Variants in SULF1 observed in about 807,000 individuals in gnomAD.
The protein encoded by SULF1 is extracellular sulfatase Sulf-1.
Under a neutral mutation model 110.5 loss-of-function variants are expected in SULF1, and 46 were observed. The observed-to-expected ratio is 0.42, with a 90% CI of 0.33 to 0.53. SULF1 has a LOEUF of 0.53. SULF1 is among the 20% of genes least tolerant of loss of function. The pLI is 0.12. For missense variants in SULF1, 941 were observed against 1,094.2 expected, an observed-to-expected ratio of 0.86 and a Z score of 1.98; for synonymous variants, 371 against 387.1, an observed-to-expected ratio of 0.96 and a Z score of 0.49.
intron 22 of SULF1, among the ~76,000 whole-genome samples, chr8:69,644,233 T>C (rs1281366518): frequency 1.3e-5 from 2 of 152,146 alleles, no homozygotes; most frequent in Non-Finnish European, 2.9e-5. Context: ...ACTGTGGTCA[T>C]GGGGGTGGAC....
chr8:69,586,557 G>A lies in SULF1; in HGVS notation c.564+49G>A, dbSNP rs558089855. 2.9e-5 allele frequency: 46 copies of A among 1,574,772 alleles called. 1 individual carries two copies. The South Asian group carries it at 4.9e-4, about 17-fold the overall frequency. On this transcript the variant is annotated intron_variant, in intron 7 of 22. Transcript: ENST00000402687. ...TGCATCAATTTACTTTGTGCATAAT[G>A]GGGAAAAGCCATTTTCAGTGAGTTA...
upstream of SULF1, among the ~76,000 whole-genome samples, chr8:69,488,197 A>C (rs1809779683): frequency 6.6e-6 from 1 of 152,176 alleles, no homozygotes. Context: ...GAAATATATT[A>C]ATTTTAGGTT....
At position 69,659,191 on chromosome 8, in the gene SULF1, A is replaced by G. The variant is rs1042988777; in HGVS notation, c.*656A>G. 1.3e-5 allele frequency: 6 copies of G among 456,716 alleles called. No homozygotes were observed. Among genetic ancestry groups the G allele is most frequent in the African/African-American group, 1.2e-4 (6 of 50,082 alleles). The allele number at this position is 456,716 out of a possible 1,614,324, so 28.3% of individuals were successfully genotyped here. On this transcript the variant is annotated 3_prime_UTR_variant, in exon 23 of 23. Coordinates refer to ENST00000402687, the MANE Select transcript of SULF1 (RefSeq NM_001128205.2). ...AATTTCAGTTCATCAGATGTTCACC[A>G]TGGCCACCGCAGAACACCGAAGTAA... is the stretch of plus-strand genomic sequence containing the variant.
intron 22 of SULF1, among the ~76,000 whole-genome samples, chr8:69,653,386 T>C (rs1324387290): frequency 1.3e-5 from 2 of 152,212 alleles, no homozygotes; most frequent in Non-Finnish European, 2.9e-5. Flanking sequence ...TTTTGTGTAT[T>C]TCAACGATTT....
chr8:69,632,705 A>G (rs1369511771), intron 19 of SULF1, among the ~76,000 whole-genome samples: 1 of 152,212 alleles, frequency 6.6e-6, no homozygotes, highest in Non-Finnish European at 1.5e-5. Flanking sequence ...CTAATATACA[A>G]ACATGCCTGT....
chr8:69,533,387 G>T (rs1373640572), intron 3 of SULF1, among the ~76,000 whole-genome samples: 2 of 152,054 alleles, frequency 1.3e-5, no homozygotes, highest in Non-Finnish European at 2.9e-5. Flanking sequence ...TATTTATCCT[G>T]ATGTTCTCCC....
chr8:69,618,069 A>G (rs1269712188), intron 13 of SULF1, among the ~76,000 whole-genome samples: 1 of 152,216 alleles, frequency 6.6e-6, no homozygotes, highest in Non-Finnish European at 1.5e-5. Context: ...CCAACTGCAC[A>G]TTAGAATCAT....
At chr8:69,640,497 T>C (rs918853155) in intron 21 of SULF1, among the ~76,000 whole-genome samples, 2 of 152,244 alleles carry the variant, frequency 1.3e-5, no homozygotes, top group East Asian at 1.9e-4. Context: ...AATTTAACTT[T>C]TCCTGAGAAT....
At chr8:69,613,844 A>T (rs1808861196) in intron 13 of SULF1, among the ~76,000 whole-genome samples, 2 of 152,158 alleles carry the variant, frequency 1.3e-5, no homozygotes, top group Non-Finnish European at 2.9e-5. Context: ...ACACTCAAAC[A>T]ATCTATTCTC....
chr8:69,493,187 T>C (rs748517020), intron 1 of SULF1, 62 bp downstream of exon 1: 1 of 152,666 alleles, frequency 6.6e-6, no homozygotes, highest in Admixed American at 6.5e-5. Flanking sequence ...TTCCTGTCCC[T>C]GTCCTTTTCG....
chr8:69,468,471 A>G (rs955954957), intron 1 of SULF1, among the ~76,000 whole-genome samples: 1 of 152,184 alleles, frequency 6.6e-6, no homozygotes, highest in African/African-American at 2.4e-5. Flanking sequence ...TTTATTCAAA[A>G]TGTTCTCCAG....
At chr8:69,533,239 G>A (rs1197890707) in intron 3 of SULF1, among the ~76,000 whole-genome samples, 2 of 152,274 alleles carry the variant, frequency 1.3e-5, no homozygotes, top group East Asian at 3.9e-4. Context: ...GAAAGAATGT[G>A]AGTTTTTTAT....
intron 7 of SULF1, 120 bp downstream of exon 7, chr8:69,586,628 G>A (rs1806484616): frequency 9.7e-6 from 11 of 1,136,326 alleles, no homozygotes; most frequent in Non-Finnish European, 1.4e-5. Context: ...ATGTTAGCAT[G>A]AGAAATGTTA....
At chr8:69,521,580 A>G (rs896444171) in intron 3 of SULF1, among the ~76,000 whole-genome samples, 2 of 152,164 alleles carry the variant, frequency 1.3e-5, no homozygotes, top group Non-Finnish European at 2.9e-5. Flanking sequence ...GTGTACCTAT[A>G]TATTACAGGA....
At position 69,615,811 on chromosome 8, in the gene SULF1, A is replaced by G. The variant is rs564315851; in HGVS notation, c.1378-5224A>G. ...ATGGGAAATTCAACTAGGATTCCAA[A>G]TAGCCTAAGTCACTAAAACTTCTGC... On this transcript the variant is annotated intron_variant, in intron 13 of 22. Transcript: ENST00000402687. Among the ~76,000 whole-genome samples, 48 of 152,292 alleles carry G rather than the reference A, an allele frequency of 3.2e-4. No homozygotes were observed. In the South Asian group the frequency reaches 9.3e-3, roughly 30 times the overall value.
In SULF1 at chr8:69,632,990, C is replaced by G. The variant is rs190578693; in HGVS notation, c.2284+3311C>G. On this transcript the variant is annotated intron_variant, in intron 19 of 22. Transcript: ENST00000402687. ...GCAGTGAGCCATGATTGTACTCCAG[C>G]CTGGGTGACAGAGTGAGACCGCATG... Among the ~76,000 whole-genome samples the G allele has an allele frequency of 2.0e-3, 303 of 150,452 alleles. 2 individuals carry two copies. The highest frequency in any genetic ancestry group is 6.7e-3 in the African/African-American group (275 of 40,888).
intron 8 of SULF1, 110 bp from the exon 9 acceptor site, chr8:69,600,493 T>A (rs1272218676): frequency 1.9e-6 from 2 of 1,047,698 alleles, no homozygotes; most frequent in African/African-American, 3.2e-5. Flanking sequence ...GAAAATGTTT[T>A]AGCAGTGTCT....
At chr8:69,531,268 G>A (rs538193396) in intron 3 of SULF1, among the ~76,000 whole-genome samples, 1 of 152,222 alleles carries the variant, frequency 6.6e-6, no homozygotes, top group East Asian at 1.9e-4. Flanking sequence ...TTAGCTTTAT[G>A]TTTGCATATA....
chr8:69,543,159 A>G (rs1189783538), intron 3 of SULF1, among the ~76,000 whole-genome samples: 1 of 152,174 alleles, frequency 6.6e-6, no homozygotes, highest in African/African-American at 2.4e-5. Context: ...CACTGTATAC[A>G]TTCCATACTT....
Sources: allele counts gnomAD v4.1 joint callset (sites outside exome capture counted in the v4.1 genomes callset), GRCh38; gene constraint gnomAD v4.1.1; transcripts MANE v1.5; gene names NCBI Gene and HGNC (gene_info 2026-07-23, HGNC 2026-07-21).